The following GALNTL6 variants were observed in gnomAD, a reference collection of about 807,000 sequenced individuals.
The protein encoded by GALNTL6 is polypeptide N-acetylgalactosaminyltransferase-like 6.
A neutral mutation model predicts 73.7 loss-of-function variants in GALNTL6; 46 were observed. That is an observed-to-expected ratio of 0.62 (90% confidence interval 0.49 to 0.80). The LOEUF is 0.80. Ranked by LOEUF, GALNTL6 falls within the 30% of genes least tolerant of loss-of-function variation. The pLI is 0.00. For missense variants in GALNTL6, 604 were observed against 755.0 expected (o/e 0.80, Z 2.34); for synonymous variants, 259 against 263.7 (o/e 0.98, Z 0.17).
chr4:172,222,773 A>G (rs1319576766), intron 2 of GALNTL6, among the ~76,000 whole-genome samples: 1 of 151,962 alleles, frequency 6.6e-6, no homozygotes, highest in Non-Finnish European at 1.5e-5. Context: ...ATATAAATAC[A>G]AAGGATAAAT....
At chr4:172,132,362 T>C (rs1419807314) in intron 2 of GALNTL6, among the ~76,000 whole-genome samples, 1 of 152,168 alleles carries the variant, frequency 6.6e-6, no homozygotes, top group African/African-American at 2.4e-5. Flanking sequence ...GTATTTCCAA[T>C]GTGATTTAGA....
chr4:171,950,720 C>T (rs372283090), intron 2 of GALNTL6, among the ~76,000 whole-genome samples: 9 of 152,102 alleles, frequency 5.9e-5, no homozygotes, highest in East Asian at 3.9e-4. Flanking sequence ...CCTTGTGATC[C>T]GCCCGCCTCG....
chr4:172,677,784 G>A (rs1425984533), intron 5 of GALNTL6, among the ~76,000 whole-genome samples: 2 of 151,614 alleles, frequency 1.3e-5, no homozygotes, highest in African/African-American at 4.8e-5. Context: ...AAAAAGAATT[G>A]TTGAAAAACA....
intron 5 of GALNTL6, among the ~76,000 whole-genome samples, chr4:172,762,502 A>C (rs905378850): frequency 3.3e-5 from 5 of 151,994 alleles, no homozygotes; most frequent in Non-Finnish European, 7.4e-5. Flanking sequence ...CCCGTGGAAA[A>C]TCCCCAGGCT....
At chr4:172,812,579 G>A (rs543552701) in intron 6 of GALNTL6, among the ~76,000 whole-genome samples, 1 of 151,006 alleles carries the variant, frequency 6.6e-6, no homozygotes, top group South Asian at 2.1e-4. Context: ...AATAACCTTA[G>A]CCACACAGGA....
intron 5 of GALNTL6, among the ~76,000 whole-genome samples, chr4:172,403,238 T>G (rs1744102334): frequency 6.6e-6 from 1 of 152,022 alleles, no homozygotes; most frequent in African/African-American, 2.4e-5. Context: ...ATCAGAAAAC[T>G]ATAGAATGGG....
At chr4:172,227,422 G>C (rs28481937) in intron 2 of GALNTL6, among the ~76,000 whole-genome samples, 2,179 of 152,214 alleles carry the variant, frequency 0.014, 55 homozygotes, top group African/African-American at 0.05. Flanking sequence ...ACATACCATT[G>C]ACGCTCCAGT....
At chr4:171,980,739 T>G (rs1214559164) in intron 2 of GALNTL6, among the ~76,000 whole-genome samples, 3 of 152,110 alleles carry the variant, frequency 2.0e-5, no homozygotes, top group Non-Finnish European at 4.4e-5. Flanking sequence ...TAAACTGTGG[T>G]TCAACAGTAT....
chr4:172,802,392 A>C (rs956644207), intron 5 of GALNTL6, among the ~76,000 whole-genome samples: 9 of 152,180 alleles, frequency 5.9e-5, no homozygotes, highest in Admixed American at 2.0e-4. Context: ...GGACCTGTTT[A>C]GGATTAAACA....
chr4:172,295,711 C>T (rs1368103523), intron 3 of GALNTL6, among the ~76,000 whole-genome samples: 2 of 151,378 alleles, frequency 1.3e-5, no homozygotes, highest in African/African-American at 2.4e-5. Context: ...TCACTATATA[C>T]AACACTCCCC....
chr4:171,902,805 T>C (rs1046788897), intron 2 of GALNTL6, among the ~76,000 whole-genome samples: 3 of 152,174 alleles, frequency 2.0e-5, no homozygotes, highest in African/African-American at 7.2e-5. Flanking sequence ...AATTGGTTTA[T>C]CTTGGAGGGA....
rs1377179113 is a variant in GALNTL6 at position 171,904,290 on chromosome 4, AG to A, written c.138+89573del. On this transcript the variant is annotated intron_variant, in intron 2 of 12. Coordinates refer to ENST00000506823, the MANE Select transcript of GALNTL6 (RefSeq NM_001034845.3). ...ATAACTAGAGTAACCAATACAGAGA[AG>A]TGCTTAAAGGAGCTGATGGAGCTGA... 5.3e-5 allele frequency among the ~76,000 whole-genome samples: 8 copies of A among 152,308 alleles called. No individual in the cohort carries two copies. In the East Asian group the frequency reaches 1.5e-3, roughly 29 times the overall value.
chr4:172,274,459 C>T (rs990039211), intron 3 of GALNTL6, among the ~76,000 whole-genome samples: 5 of 152,160 alleles, frequency 3.3e-5, no homozygotes, highest in East Asian at 3.9e-4. Context: ...CGTAGAGCAT[C>T]GGTTTGACTT....
chr4:172,452,288 C>T (rs1359071929), intron 5 of GALNTL6, among the ~76,000 whole-genome samples: 1 of 151,740 alleles, frequency 6.6e-6, no homozygotes, highest in Non-Finnish European at 1.5e-5. Context: ...GACACACACA[C>T]ATACACGTAT....
intron 5 of GALNTL6, among the ~76,000 whole-genome samples, chr4:172,681,361 A>G (rs1050077149): frequency 6.6e-6 from 1 of 152,172 alleles, no homozygotes; most frequent in Non-Finnish European, 1.5e-5. Flanking sequence ...ATCACTTTAT[A>G]CAAGATGAAT....
intron 2 of GALNTL6, among the ~76,000 whole-genome samples, chr4:172,225,283 A>G (rs1413361514): frequency 6.6e-6 from 1 of 152,136 alleles, no homozygotes; most frequent in East Asian, 1.9e-4. Context: ...AAACCAATGT[A>G]ATCATATACA....
At position 171,869,562 on chromosome 4, in the gene GALNTL6, T is replaced by C. The variant is rs570270624; in HGVS notation, c.138+54844T>C. Among the ~76,000 whole-genome samples, 5 of 152,294 alleles carry C rather than the reference T, an allele frequency of 3.3e-5. No individual in the cohort carries two copies. The South Asian group carries it at 6.2e-4, about 19-fold the overall frequency. ...TACATCTTAACAAATTTTTACTGCATTGCAATTTTAACATACCTGCTATCT... is the reference window on the plus strand; with the variant it reads ...TACATCTTAACAAATTTTTACTGCACTGCAATTTTAACATACCTGCTATCT... On this transcript the variant is annotated intron_variant, in intron 2 of 12. Transcript: ENST00000506823.
chr4:172,815,905 A>G (rs1022398590), intron 7 of GALNTL6, among the ~76,000 whole-genome samples: 1 of 152,150 alleles, frequency 6.6e-6, no homozygotes. Context: ...GTCCACTTTG[A>G]TCTTATAAAC....
intron 2 of GALNTL6, among the ~76,000 whole-genome samples, chr4:172,205,226 A>C (rs1736069044): frequency 6.6e-6 from 1 of 152,238 alleles, no homozygotes; most frequent in Non-Finnish European, 1.5e-5. Context: ...AAATGGATAA[A>C]TAGATACCAC....
Sources: allele counts gnomAD v4.1 joint callset (sites outside exome capture counted in the v4.1 genomes callset), GRCh38; gene constraint gnomAD v4.1.1; transcripts MANE v1.5; gene names NCBI Gene and HGNC (gene_info 2026-07-23, HGNC 2026-07-21).